SVOPL: variants seen among roughly 807,000 people sequenced by gnomAD.
The protein encoded by SVOPL is putative transporter SVOPL.
Under a neutral mutation model 61.0 loss-of-function variants are expected in SVOPL, and 60 were observed. That is an observed-to-expected ratio of 0.98 (90% confidence interval 0.80 to 1.22). The LOEUF (loss-of-function observed/expected upper bound fraction) is 1.22, where lower values mean the gene tolerates loss of function less well. Among genes scored for constraint, SVOPL ranks in the 50% most tolerant of loss-of-function variants. The pLI, the probability that SVOPL is intolerant of heterozygous loss-of-function variation, is 0.00. For synonymous variants in SVOPL, 279 were observed against 250.0 expected (o/e 1.12, Z -1.09); for missense variants, 662 against 643.9 (o/e 1.03, Z -0.30).
chr7:138,594,934 T>A (rs1285028124), intron 15 of SVOPL, among the ~76,000 whole-genome samples: 1 of 150,408 alleles, frequency 6.6e-6, no homozygotes, highest in Admixed American at 6.6e-5. Flanking sequence ...AACTTTTTTT[T>A]TTTTAGAGAC....
intron 9 of SVOPL, among the ~76,000 whole-genome samples, chr7:138,642,841 AAAAAAAAAAG>A (rs11283871): frequency 0.69 from 97,244 of 141,108 alleles, 34,884 homozygotes; most frequent in Middle Eastern, 0.81. Context: ...CAAAAAAAAA[AAAAAAAAAAG>A]AAGAAACAAA....
chr7:138,608,693 C>T (rs1274990467), intron 14 of SVOPL, among the ~76,000 whole-genome samples: 1 of 152,038 alleles, frequency 6.6e-6, no homozygotes, highest in Non-Finnish European at 1.5e-5. Flanking sequence ...TGTACACTCC[C>T]CCCCCTTGCC....
chr7:138,619,935 G>A (rs922298062), intron 14 of SVOPL, among the ~76,000 whole-genome samples: 3 of 152,088 alleles, frequency 2.0e-5, no homozygotes, highest in Non-Finnish European at 2.9e-5. Flanking sequence ...TCTCAGGGAG[G>A]AGGAAAGCCT....
chr7:138,694,692 T>C (rs1463532393), intron 1 of SVOPL, among the ~76,000 whole-genome samples: 2 of 152,196 alleles, frequency 1.3e-5, no homozygotes, highest in African/African-American at 2.4e-5. Flanking sequence ...TGTTGAACTG[T>C]GTTTTCCAAT....
intron 6 of SVOPL, 32 bp downstream of exon 6, chr7:138,659,832 C>T: frequency 6.5e-7 from 1 of 1,549,258 alleles, no homozygotes; most frequent in African/African-American, 1.4e-5. Flanking sequence ...GTACACGTTT[C>T]TGTCTCAGGG....
At chr7:138,642,848 A>AAAGAAGAAG (rs1244456903) in intron 9 of SVOPL, among the ~76,000 whole-genome samples, 1 of 35,448 alleles carries the variant, frequency 2.8e-5, no homozygotes. Flanking sequence ...AAAAAAAAAA[A>AAAGAAGAAG]AAGAAGAAAC....
rs576230700 is a variant in SVOPL at position 138,654,562 on chromosome 7, C to T, written c.534+1886G>A. 1.7e-4 allele frequency among the ~76,000 whole-genome samples: 23 copies of T among 138,510 alleles called. 1 individual carries two copies. The South Asian group carries it at 3.3e-3, about 20-fold the overall frequency. 90.9% of individuals were successfully genotyped at this position (138,510 alleles called of 152,430 possible). On this transcript the variant is annotated intron_variant, in intron 7 of 15. Coordinates refer to ENST00000674285, the MANE Select transcript of SVOPL (RefSeq NM_001139456.2). ...TCACCCAGACTGGAATGCTGTGGTG[C>T]AATCTTGGCTCAGTGCAACCTTCTC...
At chr7:138,616,700 GACT>G (rs1388082916) in intron 14 of SVOPL, among the ~76,000 whole-genome samples, 12 of 152,048 alleles carry the variant, frequency 7.9e-5, no homozygotes, top group African/African-American at 2.9e-4. Context: ...ACATACTCAT[GACT>G]ACTATTATTT....
At chr7:138,648,542 A>C (rs1267843377) in intron 8 of SVOPL, among the ~76,000 whole-genome samples, 3 of 139,508 alleles carry the variant, frequency 2.2e-5, no homozygotes, top group African/African-American at 5.4e-5. Flanking sequence ...CCAAAAAAAA[A>C]AAAAAAAAAA....
At chr7:138,666,139 G>A (rs1432080373) in intron 4 of SVOPL, among the ~76,000 whole-genome samples, 1 of 151,852 alleles carries the variant, frequency 6.6e-6, no homozygotes, top group East Asian at 1.9e-4. Context: ...AATAACTTAT[G>A]TAGCCTTCCT....
intron 7 of SVOPL, among the ~76,000 whole-genome samples, chr7:138,652,145 A>G (rs1346188903): frequency 6.6e-6 from 1 of 151,804 alleles, no homozygotes; most frequent in Non-Finnish European, 1.5e-5. Flanking sequence ...TCTGCCCCCC[A>G]GGTTCAAGCG....
At chr7:138,598,570 C>G (rs1013845510) in intron 14 of SVOPL, among the ~76,000 whole-genome samples, 1 of 151,962 alleles carries the variant, frequency 6.6e-6, no homozygotes, top group African/African-American at 2.4e-5. Context: ...TATCCAGGGC[C>G]CTAAAAGGAT....
chr7:138,639,825 T>G (rs2116972668), intron 9 of SVOPL, among the ~76,000 whole-genome samples: 1 of 152,094 alleles, frequency 6.6e-6, no homozygotes, highest in Admixed American at 6.5e-5. Flanking sequence ...CATAGCTCAC[T>G]GTAGCCTCAA....
chr7:138,594,465 A>G lies in SVOPL; in HGVS notation c.*145T>C. 1.9e-6 allele frequency: 1 copy of G among 530,052 alleles called. No homozygotes were observed. The highest frequency in any genetic ancestry group is 3.1e-5 in the East Asian group (1 of 32,476). The allele number at this position is 530,052 out of a possible 1,614,324, so 32.8% of individuals were successfully genotyped here. ...AGATCAATATACAGTTACCTACCCC[A>G]TTCCCATATATGCCTTTAAAAAAAA... On this transcript the variant is annotated 3_prime_UTR_variant, in exon 16 of 16. Transcript: ENST00000674285.
intron 6 of SVOPL, among the ~76,000 whole-genome samples, chr7:138,659,275 T>C (rs1285298242): frequency 6.6e-6 from 1 of 151,988 alleles, no homozygotes; most frequent in African/African-American, 2.4e-5. Flanking sequence ...GTGGATTACC[T>C]GAGGTCAAGA....
intron 14 of SVOPL, among the ~76,000 whole-genome samples, chr7:138,601,578 C>A (rs540972477): frequency 6.6e-6 from 1 of 151,716 alleles, no homozygotes; most frequent in South Asian, 2.1e-4. Flanking sequence ...AAATCAGATA[C>A]ATAGAATAAA....
intron 14 of SVOPL, among the ~76,000 whole-genome samples, chr7:138,608,994 C>T (rs1428417883): frequency 1.3e-5 from 2 of 152,228 alleles, no homozygotes; most frequent in East Asian, 3.9e-4. Flanking sequence ...TTATGAAAGG[C>T]TCTTACAGAT....
chr7:138,611,672 A>G (rs1407781180), intron 14 of SVOPL, among the ~76,000 whole-genome samples: 1 of 151,972 alleles, frequency 6.6e-6, no homozygotes, highest in African/African-American at 2.4e-5. Flanking sequence ...TGTAACCATT[A>G]AATTAGGGTT....
chr7:138,645,712 G>A, intron 8 of SVOPL: 1 of 163,816 alleles, frequency 6.1e-6, no homozygotes. Flanking sequence ...AGCAGCTCAG[G>A]CTCCCCGCCA....
Sources: gnomAD v4.1 joint callset for allele counts (sites outside exome capture counted in the v4.1 genomes callset) on GRCh38, gnomAD v4.1.1 for gene constraint, MANE v1.5 for transcripts, NCBI Gene and HGNC (gene_info 2026-07-23, HGNC 2026-07-21) for gene names.